Variants in BRME1 observed in about 807,000 individuals in gnomAD.
BRME1 encodes the protein break repair meiotic recombinase recruitment factor 1.
BRME1 carries 31 observed loss-of-function variants against 52.6 expected under a neutral mutation model. The observed-to-expected ratio is 0.59, with a 90% confidence interval of 0.44 to 0.80. The LOEUF (loss-of-function observed/expected upper bound fraction) is 0.80. Ranked by LOEUF, BRME1 falls within the 30% of genes least tolerant of loss-of-function variation. The probability of loss-of-function intolerance (pLI) is 0.00; values close to 1 mark genes in which losing one functional copy is unlikely to be tolerated. For synonymous variants in BRME1, 359 were observed against 353.6 expected (o/e 1.02, Z -0.17); for missense variants, 804 against 860.3 (o/e 0.93, Z 0.82).
intron 3 of BRME1, among the ~76,000 whole-genome samples, chr19:13,894,393 C>T (rs753127573): frequency 2.0e-4 from 30 of 152,016 alleles, no homozygotes; most frequent in Non-Finnish European, 3.5e-4. Context: ...GGTGTGGTGG[C>T]GGGCGCCTTT....
At chr19:13,893,598 C>T (rs756771668) in intron 3 of BRME1, among the ~76,000 whole-genome samples, 3 of 152,172 alleles carry the variant, frequency 2.0e-5, no homozygotes, top group East Asian at 1.9e-4. Context: ...TCGAGACAAA[C>T]GCAAAACAAA....
In BRME1 at chr19:13,890,059, G is replaced by A. The variant is rs1165451758; in HGVS notation, c.797C>T (p.Pro266Leu). Residue 266 changes from proline (P) to leucine (L), a missense_variant, in exon 6 of 9, where the codon CCT becomes CTT. Physicochemically the swap from Pro to Leu is moderately conservative, Grantham distance 98. This residue lies in a region of BRME1 where 552 missense variants were observed against 561.1 expected (regional missense o/e 0.98). Transcript: ENST00000586783. ...GAQRTAGAGL[P>L]GGPQEEGDGV... is the part of the protein sequence containing the mutation. ...GTCTCCCTCCTCCTGGGGCCCTCCA[G>A]GCAGGCCAGCCCCTGCTGTCCTTTG... The A allele has an allele frequency of 1.2e-6, 2 of 1,613,546 alleles. No homozygotes were observed. Among genetic ancestry groups the A allele is most frequent in the African/African-American group, 2.7e-5 (2 of 74,918 alleles).
chr19:13,887,662 TGCAAG>T (rs981603111), intron 6 of BRME1, among the ~76,000 whole-genome samples: 10 of 152,200 alleles, frequency 6.6e-5, no homozygotes, highest in African/African-American at 2.4e-4. Flanking sequence ...ATTTGCATTT[TGCAAG>T]GCATGAAGCT....
intron 7 of BRME1, 97 bp downstream of exon 7, chr19:13,885,864 A>AG: frequency 3.9e-6 from 4 of 1,033,240 alleles, no homozygotes; most frequent in Non-Finnish European, 5.9e-6. Context: ...GTCGAGGCCC[A>AG]GGGAGGGAGA....
chr19:13,892,373 G>A (rs1969564530), intron 5 of BRME1, among the ~76,000 whole-genome samples: 1 of 152,048 alleles, frequency 6.6e-6, no homozygotes, highest in Non-Finnish European at 1.5e-5. Context: ...ATCACCTGAG[G>A]TCAGGAGTTC....
intron 2 of BRME1, among the ~76,000 whole-genome samples, chr19:13,898,854 C>T (rs1041442634): frequency 5.1e-5 from 7 of 136,358 alleles, no homozygotes; most frequent in Admixed American, 2.5e-4. Context: ...ACCCGGGAGG[C>T]GGAGGTTGCA....
At position 13,890,385 on chromosome 19, in the gene BRME1, C is replaced by A; in HGVS notation, c.471G>T (p.Glu157Asp). 2.6e-6 allele frequency: 4 copies of A among 1,539,936 alleles called. No homozygotes were observed. The highest frequency in any genetic ancestry group is 2.6e-6 in the Non-Finnish European group (3 of 1,149,254). ...LVETLGVPLQ[E>D]ATELGDPTQA... ...GCGTTGGGTCCCCCAGCTCCGTGGC[C>A]TCCTGGAGGGGGACCCCCAGGGTCT... is the stretch of plus-strand genomic sequence containing the variant. Residue 157 changes from glutamate to aspartate, a missense_variant, in exon 6 of 9, where the codon GAG becomes GAT. Physicochemically the swap from Glu to Asp is conservative, Grantham distance 45. Around this residue, in one of 3 missense-constraint regions of BRME1, gnomAD observed 234 missense variants for 258.1 expected, o/e 0.91. Coordinates refer to ENST00000586783, the MANE Select transcript of BRME1 (RefSeq NM_001345843.2).
At chr19:13,891,503 T>C (rs913828013) in intron 5 of BRME1, among the ~76,000 whole-genome samples, 5 of 151,830 alleles carry the variant, frequency 3.3e-5, no homozygotes, top group Admixed American at 2.6e-4. Flanking sequence ...GGTCTCACTC[T>C]TTCGTCCAGG....
In BRME1 at chr19:13,904,855, A is replaced by C; in HGVS notation, c.31+7T>G. ...AAATCAACAAGTGTCCATTTGAATGAACGTACCTGAGGTCCGCAGCTTCTT... is the reference window on the plus strand; with the variant it reads ...AAATCAACAAGTGTCCATTTGAATGCACGTACCTGAGGTCCGCAGCTTCTT... On this transcript the variant is annotated splice_region_variant and intron_variant, in intron 2 of 8. Transcript: ENST00000586783. 1 of 1,613,670 alleles carries C rather than the reference A, an allele frequency of 6.2e-7. No individual in the cohort carries two copies. Among genetic ancestry groups the C allele is most frequent in the South Asian group, 1.1e-5 (1 of 91,074 alleles).
chr19:13,894,290 C>T (rs1438159095), intron 3 of BRME1, among the ~76,000 whole-genome samples: 3 of 152,080 alleles, frequency 2.0e-5, no homozygotes, highest in African/African-American at 7.2e-5. Context: ...TTTGGGAGGC[C>T]GAGGCGGGCG....
Position 13,884,533 on chromosome 19 carries a change from T to C in BRME1, c.1764-1133A>G, listed in dbSNP as rs191517218. Reference sequence around the variant, plus strand: ...ATCCCAGCTACTTAGGGGGCTGAAGTGGGAGAATCATGCGAGCCTGGGAGA... The same window carrying C: ...ATCCCAGCTACTTAGGGGGCTGAAGCGGGAGAATCATGCGAGCCTGGGAGA... On this transcript the variant is annotated intron_variant, in intron 7 of 8. Coordinates refer to ENST00000586783, the MANE Select transcript of BRME1 (RefSeq NM_001345843.2). Among the ~76,000 whole-genome samples the C allele has an allele frequency of 9.1e-4, 134 of 147,824 alleles. 2 individuals are homozygous for C. Among genetic ancestry groups the C allele is most frequent in the East Asian group, 6.0e-3 (30 of 5,038 alleles).
In BRME1 at chr19:13,890,303, C is replaced by T. The variant is rs763250600; in HGVS notation, c.553G>A (p.Gly185Ser). The change falls in exon 6 of 9, where the codon GGC becomes AGC. Residue 185 changes from glycine (G) to serine (S), a missense_variant. By Grantham distance (56) the Gly-to-Ser change is moderately conservative. Coordinates refer to ENST00000586783, the MANE Select transcript of BRME1 (RefSeq NM_001345843.2). ...SSQSPVQAVP[G>S]SGDSQPDDPP... is the part of the protein sequence containing the mutation. ...TCATCAGGCTGAGAATCCCCACTGC[C>T]GGGCACCGCCTGCACAGGGCTCTGG... is the stretch of plus-strand genomic sequence containing the variant. 1.4e-5 allele frequency: 22 copies of T among 1,608,914 alleles called. No homozygotes were observed. Among genetic ancestry groups the T allele is most frequent in the East Asian group, 4.5e-5 (2 of 44,882 alleles).
At position 13,889,327 on chromosome 19, in the gene BRME1, G is replaced by A. The variant is rs1483905431; in HGVS notation, c.1529C>T (p.Ala510Val). 1 of 1,614,140 alleles carries A rather than the reference G, an allele frequency of 6.2e-7. No homozygotes were observed. The highest frequency in any genetic ancestry group is 8.5e-7 in the Non-Finnish European group (1 of 1,180,032). Residue 510 changes from alanine to valine, a missense_variant, in exon 6 of 9, where the codon GCA (alanine) becomes GTA (valine). Ala to Val is a moderately conservative substitution (Grantham distance 64, BLOSUM62 0). Coordinates refer to ENST00000586783, the MANE Select transcript of BRME1 (RefSeq NM_001345843.2). ...ATGAGGCAGGTGGTCTCGCTGCCCT[G>A]CCAGCTCTGAGGTGGTGTCTGGAAT... Reference protein sequence around the residue: ...QGIPDTTSELAGQRDHLPHSA... With the variant: ...QGIPDTTSELVGQRDHLPHSA...
intron 6 of BRME1, among the ~76,000 whole-genome samples, chr19:13,887,756 C>T (rs1321089428): frequency 6.7e-6 from 1 of 149,242 alleles, no homozygotes; most frequent in Non-Finnish European, 1.5e-5. Flanking sequence ...ACCACTGAAC[C>T]ACACTGTGAC....
intron 1 of BRME1, among the ~76,000 whole-genome samples, chr19:13,905,352 C>T (rs1970617307): frequency 6.6e-6 from 1 of 151,896 alleles, no homozygotes; most frequent in African/African-American, 2.4e-5. Context: ...ATTAAAAACA[C>T]AAAAATTAGC....
At chr19:13,884,081 A>G (rs1396740751) in intron 7 of BRME1, among the ~76,000 whole-genome samples, 1 of 152,078 alleles carries the variant, frequency 6.6e-6, no homozygotes, top group African/African-American at 2.4e-5. Flanking sequence ...GATGGCATTC[A>G]TATCCTTGGA....
At chr19:13,893,607 A>G in intron 3 of BRME1, among the ~76,000 whole-genome samples, 1 of 152,080 alleles carries the variant, frequency 6.6e-6, no homozygotes, top group East Asian at 1.9e-4. Context: ...ACGCAAAACA[A>G]AATCCAACAG....
intron 2 of BRME1, among the ~76,000 whole-genome samples, chr19:13,900,823 C>T (rs1427640984): frequency 6.6e-6 from 1 of 151,906 alleles, no homozygotes; most frequent in Non-Finnish European, 1.5e-5. Context: ...AGACACATGC[C>T]ACCATGCCCG....
At chr19:13,894,875 A>G (rs775443117) in intron 3 of BRME1, among the ~76,000 whole-genome samples, 9 of 152,148 alleles carry the variant, frequency 5.9e-5, no homozygotes, top group Non-Finnish European at 1.2e-4. Flanking sequence ...ATCTTTGCCC[A>G]CAGTTAAAAC....
Sources: gnomAD v4.1 joint callset for allele counts (sites outside exome capture counted in the v4.1 genomes callset) on GRCh38, gnomAD v4.1.1 for gene constraint, gnomAD v4.1.1 regional missense constraint, MANE v1.5 for transcripts, NCBI Gene and HGNC (gene_info 2026-07-23, HGNC 2026-07-21) for gene names.